The following RNF38 variants were observed in gnomAD, a reference collection of about 807,000 sequenced individuals.
RNF38 encodes the protein E3 ubiquitin-protein ligase RNF38.
Under a neutral mutation model 67.2 loss-of-function variants are expected in RNF38, and 15 were observed. The ratio of observed to expected loss-of-function variants is 0.22; its 90% CI spans 0.15 to 0.34. RNF38 has a LOEUF of 0.34. RNF38 is among the 10% of genes least tolerant of loss of function. The probability of loss-of-function intolerance (pLI) is 1.00; values close to 1 mark genes in which losing one functional copy is unlikely to be tolerated. For synonymous variants in RNF38, 220 were observed against 218.8 expected (o/e 1.01, Z -0.05); for missense variants, 524 against 639.9 (o/e 0.82, Z 1.95).
chr9:36,359,390 G>A (rs1384729421), intron 4 of RNF38, among the ~76,000 whole-genome samples: 1 of 151,816 alleles, frequency 6.6e-6, no homozygotes, highest in Non-Finnish European at 1.5e-5. Context: ...TATTCCAAAA[G>A]ACTTATTTTT....
intron 2 of RNF38, among the ~76,000 whole-genome samples, chr9:36,388,198 T>C (rs770926132): frequency 1.3e-5 from 2 of 152,080 alleles, no homozygotes; most frequent in African/African-American, 2.4e-5. Context: ...TGGAGGGTCA[T>C]ATGGGGGCTT....
intron 5 of RNF38, among the ~76,000 whole-genome samples, 175 bp downstream of exon 5, chr9:36,357,600 T>TA (rs2133581007): frequency 6.6e-6 from 1 of 152,340 alleles, no homozygotes; most frequent in South Asian, 2.1e-4. Context: ...TTTATTGCAA[T>TA]AAAATTGGCC....
intron 1 of RNF38, among the ~76,000 whole-genome samples, chr9:36,478,233 T>C (rs965712039): frequency 3.3e-5 from 5 of 150,806 alleles, no homozygotes; most frequent in African/African-American, 9.8e-5. Flanking sequence ...TGAAACCCCA[T>C]CTCTACTAAA....
At chr9:36,433,325 C>G (rs1299340153) in intron 1 of RNF38, among the ~76,000 whole-genome samples, 3 of 151,554 alleles carry the variant, frequency 2.0e-5, no homozygotes, top group Non-Finnish European at 4.4e-5. Flanking sequence ...GATGGATACC[C>G]CCCCCTTACC....
intron 1 of RNF38, among the ~76,000 whole-genome samples, chr9:36,482,045 T>G (rs917504160): frequency 6.7e-6 from 1 of 148,826 alleles, no homozygotes; most frequent in Admixed American, 6.9e-5. Flanking sequence ...CAGATACTTT[T>G]GTCTTTTTTT....
In RNF38 at chr9:36,390,453, AAAT is replaced by A; in HGVS notation, c.162+11_162+13del. 6.2e-7 allele frequency: 1 copy of A among 1,607,898 alleles called. No homozygotes were observed. Among genetic ancestry groups the A allele is most frequent in the Non-Finnish European group, 8.5e-7 (1 of 1,177,326 alleles). Reference sequence around the variant, plus strand: ...TTTCAGCCCTATGTAGGGAAAGGGTAAATATATAAGAACCTGGAAGAAAGCTTT... The same window carrying A: ...TTTCAGCCCTATGTAGGGAAAGGGTAATATAAGAACCTGGAAGAAAGCTTT... On this transcript the variant is annotated intron_variant, in intron 2 of 11. Transcript: ENST00000259605.
rs755659032 is a variant in RNF38 at position 36,357,901 on chromosome 9, T to C, written c.612A>G (p.Thr204=). 2.6e-5 allele frequency: 42 copies of C among 1,613,954 alleles called. No homozygotes were observed. The highest frequency in any genetic ancestry group is 8.3e-5 in the Admixed American group (5 of 60,012). Reference sequence around the variant, plus strand: ...AGAGTGGAATCCCATGTGGTGCCACTGTTGTTACTGTGTAAGAAACAGGGA... The same window carrying C: ...AGAGTGGAATCCCATGTGGTGCCACCGTTGTTACTGTGTAAGAAACAGGGA... ...GTVPVSYTVT[T]VAPHGIPLCT... Residue 204 remains threonine, a synonymous_variant, in exon 5 of 12, where the codon ACA becomes ACG. Coordinates refer to ENST00000259605, the MANE Select transcript of RNF38 (RefSeq NM_022781.5).
chr9:36,423,509 C>G (rs908873830), intron 2 of RNF38, among the ~76,000 whole-genome samples: 1 of 152,060 alleles, frequency 6.6e-6, no homozygotes, highest in Non-Finnish European at 1.5e-5. Context: ...GCATATAACA[C>G]GCAGAAAATG....
intron 1 of RNF38, among the ~76,000 whole-genome samples, chr9:36,474,833 G>A (rs1407209528): frequency 6.8e-6 from 1 of 147,906 alleles, no homozygotes; most frequent in East Asian, 2.2e-4. Context: ...ACAATCAAAG[G>A]AACAGAGGTA....
At chr9:36,366,805 T>C (rs1317724697) in intron 4 of RNF38, among the ~76,000 whole-genome samples, 1 of 152,216 alleles carries the variant, frequency 6.6e-6, no homozygotes, top group Non-Finnish European at 1.5e-5. Flanking sequence ...ATTATAGCCC[T>C]TTTTAAGTCA....
chr9:36,370,498 A>G (rs189221099), intron 3 of RNF38, among the ~76,000 whole-genome samples: 10 of 152,338 alleles, frequency 6.6e-5, no homozygotes. Flanking sequence ...GATGAATATG[A>G]TTGAGAATAT....
chr9:36,442,227 C>T (rs1182506375), intron 1 of RNF38, among the ~76,000 whole-genome samples: 1 of 152,178 alleles, frequency 6.6e-6, no homozygotes, highest in African/African-American at 2.4e-5. Flanking sequence ...TACTGTTAGA[C>T]CCATCTTTAA....
chr9:36,400,932 T>G (rs1307656718), upstream of RNF38: 37 of 900,356 alleles, frequency 4.1e-5, 1 homozygote, highest in Middle Eastern at 2.9e-3. Context: ...GCACCCCGCC[T>G]CACCCCGCCT....
chr9:36,339,431 T>C lies in RNF38; in HGVS notation c.*321A>G, dbSNP rs1241885447. The C allele has an allele frequency of 1.6e-5, 5 of 306,096 alleles. No individual in the cohort carries two copies. The highest frequency in any genetic ancestry group is 4.4e-5 in the Admixed American group (1 of 22,712). The allele number at this position is 306,096 out of a possible 1,614,324, so 19.0% of individuals were successfully genotyped here. A position where few individuals can be genotyped will look rare whatever the true frequency, so the allele number is the denominator to read the frequency against. ...AGCTACCACTTTTTATAAAAGCACA[T>C]GCTAAAAGATCACGTCCACTGTAAT... On this transcript the variant is annotated 3_prime_UTR_variant, in exon 12 of 12. Transcript: ENST00000259605.
At chr9:36,422,665 G>T (rs548525323) in intron 2 of RNF38, among the ~76,000 whole-genome samples, 4 of 152,192 alleles carry the variant, frequency 2.6e-5, no homozygotes, top group African/African-American at 9.6e-5. Context: ...TTCCATTTAG[G>T]AAACAATCAA....
At chr9:36,460,224 A>T (rs765338020) in intron 1 of RNF38, among the ~76,000 whole-genome samples, 6 of 152,220 alleles carry the variant, frequency 3.9e-5, no homozygotes, top group Admixed American at 3.3e-4. Context: ...AGCAATAAAT[A>T]TACTAGAAAT....
chr9:36,477,260 T>C (rs1446023264), intron 1 of RNF38, among the ~76,000 whole-genome samples: 1 of 150,590 alleles, frequency 6.6e-6, no homozygotes, highest in African/African-American at 2.4e-5. Flanking sequence ...GAGGCAGAGG[T>C]TGCAGTGAGC....
chr9:36,367,026 G>A (rs543760314), intron 4 of RNF38, among the ~76,000 whole-genome samples: 3 of 152,286 alleles, frequency 2.0e-5, no homozygotes, highest in African/African-American at 7.2e-5. Context: ...TTATCCTAGT[G>A]ACCAGATATC....
At chr9:36,407,567 G>A (rs1054678197) in intron 2 of RNF38, among the ~76,000 whole-genome samples, 1 of 152,192 alleles carries the variant, frequency 6.6e-6, no homozygotes, top group Non-Finnish European at 1.5e-5. Flanking sequence ...AGCATACACT[G>A]CACATCACAG....
Sources: gnomAD v4.1 joint callset for allele counts (sites outside exome capture counted in the v4.1 genomes callset) on GRCh38, gnomAD v4.1.1 for gene constraint, MANE v1.5 for transcripts, NCBI Gene and HGNC (gene_info 2026-07-23, HGNC 2026-07-21) for gene names.